NRXN1: variants seen among roughly 807,000 people sequenced by gnomAD.
NRXN1 encodes neurexin 1, also known as neurexin-1.
Under a neutral mutation model 150.9 loss-of-function variants are expected in NRXN1, and 39 were observed. The ratio of observed to expected loss-of-function variants is 0.26; its 90% CI spans 0.20 to 0.34. NRXN1 has a LOEUF of 0.34. Ranked by LOEUF, NRXN1 falls within the 10% of genes least tolerant of loss-of-function variation. NRXN1 has a pLI of 1.00. For synonymous variants in NRXN1, 924 were observed against 757.0 expected, an observed-to-expected ratio of 1.22 and a Z score of -3.62; for missense variants, 1,815 against 1,949.9, an observed-to-expected ratio of 0.93 and a Z score of 1.30.
At chr2:50,910,745 T>C (rs1684400238) in intron 5 of NRXN1, among the ~76,000 whole-genome samples, 1 of 151,948 alleles carries the variant, frequency 6.6e-6, no homozygotes, top group East Asian at 1.9e-4. Flanking sequence ...CCACCTTTCC[T>C]AGTTTGGGGT....
At chr2:50,829,286 G>A (rs1454742090) in intron 5 of NRXN1, among the ~76,000 whole-genome samples, 1 of 151,702 alleles carries the variant, frequency 6.6e-6, no homozygotes, top group Non-Finnish European at 1.5e-5. Flanking sequence ...AGAGGGAGAG[G>A]GAGAGGGGTA....
intron 17 of NRXN1, among the ~76,000 whole-genome samples, chr2:50,361,453 T>C (rs144090491): frequency 6.6e-6 from 1 of 152,120 alleles, no homozygotes; most frequent in African/African-American, 2.4e-5. Context: ...CCCACAGATA[T>C]ACAAACTACC....
At chr2:50,169,243 A>G (rs1223041984) in intron 18 of NRXN1, among the ~76,000 whole-genome samples, 1 of 152,186 alleles carries the variant, frequency 6.6e-6, no homozygotes, top group African/African-American at 2.4e-5. Context: ...ATTCAAAAGT[A>G]GGTAATTTGG....
At chr2:50,887,049 TA>T (rs1680355594) in intron 5 of NRXN1, among the ~76,000 whole-genome samples, 2 of 151,446 alleles carry the variant, frequency 1.3e-5, no homozygotes, top group South Asian at 4.1e-4. Context: ...TTGTTAGTCT[TA>T]TTCATCACTT....
intron 21 of NRXN1, among the ~76,000 whole-genome samples, chr2:50,012,003 G>A (rs921636012): frequency 6.6e-6 from 1 of 152,010 alleles, no homozygotes; most frequent in Non-Finnish European, 1.5e-5. Flanking sequence ...ATCACATTAT[G>A]GATGTAAGGC....
At chr2:50,522,720 A>ATTTTTTTTTTTTTTTTTTT (rs869200431) in intron 12 of NRXN1, among the ~76,000 whole-genome samples, 2 of 47,724 alleles carry the variant, frequency 4.2e-5, no homozygotes, top group Non-Finnish European at 1.1e-4. Context: ...ATTTTTATTC[A>ATTTTTTTTTTTTTTTTTTT]TTTTTTTTTT....
chr2:50,645,002 C>A lies in NRXN1; in HGVS notation c.833-21387G>T, dbSNP rs369211884. ...CAGTTTGATCTTGCATATCACAGTG[C>A]ATTTATAAAATCTGGAAAGCCATCT... On this transcript the variant is annotated intron_variant, in intron 5 of 22. Transcript: ENST00000401669. Among the ~76,000 whole-genome samples, 11 of 151,956 alleles carry A rather than the reference C, an allele frequency of 7.2e-5. 1 individual carries two copies. Among genetic ancestry groups the A allele is most frequent in the African/African-American group, 2.7e-4 (11 of 41,494 alleles).
chr2:50,025,064 G>C (rs142112240), intron 21 of NRXN1, among the ~76,000 whole-genome samples: 1 of 152,174 alleles, frequency 6.6e-6, no homozygotes, highest in African/African-American at 2.4e-5. Flanking sequence ...ATACTGTGAA[G>C]AGATACGCAA....
At chr2:50,247,496 C>A (rs577156138) in intron 17 of NRXN1, among the ~76,000 whole-genome samples, 1 of 152,236 alleles carries the variant, frequency 6.6e-6, no homozygotes, top group Non-Finnish European at 1.5e-5. Context: ...AAATATGGTA[C>A]ACTGAGGACA....
intron 17 of NRXN1, among the ~76,000 whole-genome samples, chr2:50,331,372 T>G (rs545338506): frequency 2.0e-5 from 3 of 152,082 alleles, no homozygotes; most frequent in Admixed American, 1.3e-4. Context: ...CCAAAGAGTG[T>G]TTTTATGGAA....
At chr2:50,376,708 T>C (rs2080525556) in intron 17 of NRXN1, among the ~76,000 whole-genome samples, 1 of 152,200 alleles carries the variant, frequency 6.6e-6, no homozygotes, top group Admixed American at 6.5e-5. Context: ...GGCGGATGAC[T>C]GATCATGTCA....
rs373350629 is a variant in NRXN1 at position 50,349,029 on chromosome 2, G to C, written c.3365-112059C>G. On this transcript the variant is annotated intron_variant, in intron 17 of 22. Transcript: ENST00000401669. ...CTAACCCAAGTGGCCATTTAGACTT[G>C]TATATTGCTTCCTAGTCCAAAGATT... Among the ~76,000 whole-genome samples the C allele has an allele frequency of 4.3e-4, 65 of 152,234 alleles. No individual in the cohort carries two copies. In the Middle Eastern group the frequency reaches 0.014, roughly 32 times the overall value.
intron 15 of NRXN1, among the ~76,000 whole-genome samples, chr2:50,485,825 C>T (rs1439015738): frequency 6.6e-6 from 1 of 152,212 alleles, no homozygotes; most frequent in East Asian, 1.9e-4. Context: ...AGGGATCTGC[C>T]AGACCAAGAG....
intron 5 of NRXN1, among the ~76,000 whole-genome samples, chr2:50,864,500 AC>A (rs1281438370): frequency 1.3e-5 from 2 of 152,070 alleles, no homozygotes; most frequent in African/African-American, 4.8e-5. Flanking sequence ...AATAATAACA[AC>A]CATTGTCATT....
chr2:50,578,371 A>G (rs5831136), intron 8 of NRXN1, among the ~76,000 whole-genome samples: 2,990 of 152,278 alleles, frequency 0.02, 88 homozygotes, highest in African/African-American at 0.066. Flanking sequence ...ATTCTTTTGA[A>G]GCTGCATTTG....
At chr2:50,510,780 A>G (rs756081331) in intron 12 of NRXN1, among the ~76,000 whole-genome samples, 3 of 152,150 alleles carry the variant, frequency 2.0e-5, no homozygotes, top group South Asian at 2.1e-4. Context: ...TTTTCATTAA[A>G]ATGTGTTTTC....
chr2:49,979,476 A>G (rs530233629), intron 21 of NRXN1, among the ~76,000 whole-genome samples: 1 of 152,174 alleles, frequency 6.6e-6, no homozygotes, highest in Admixed American at 6.5e-5. Context: ...ATGAAATACA[A>G]AAGAAGAAGC....
At chr2:50,098,400 GC>G (rs1487160970) in intron 18 of NRXN1, among the ~76,000 whole-genome samples, 16 of 151,996 alleles carry the variant, frequency 1.1e-4, no homozygotes, top group African/African-American at 3.6e-4. Flanking sequence ...ATCTCTGGAA[GC>G]CTCAAACTGC....
intron 5 of NRXN1, among the ~76,000 whole-genome samples, chr2:50,801,310 A>G (rs1033832192): frequency 6.6e-6 from 1 of 152,120 alleles, no homozygotes; most frequent in African/African-American, 2.4e-5. Flanking sequence ...ACCTATGACA[A>G]GTAGTATTGG....
Sources: gnomAD v4.1 joint callset for allele counts (sites outside exome capture counted in the v4.1 genomes callset) on GRCh38, gnomAD v4.1.1 for gene constraint, MANE v1.5 for transcripts, NCBI Gene and HGNC (gene_info 2026-07-23, HGNC 2026-07-21) for gene names.